Variants in CHST11 observed in about 807,000 individuals in gnomAD.
CHST11 encodes the protein C4S-1.
CHST11 carries 9 observed loss-of-function variants against 30.4 expected under a neutral mutation model. The observed-to-expected ratio is 0.30, with a 90% CI of 0.18 to 0.52. The LOEUF is 0.52. CHST11 is among the 20% of genes least tolerant of loss of function. CHST11 has a pLI of 0.97. For synonymous variants in CHST11, 152 were observed against 187.8 expected (o/e 0.81, Z 1.56); for missense variants, 348 against 460.6 (o/e 0.76, Z 2.24).
intron 2 of CHST11, among the ~76,000 whole-genome samples, chr12:104,709,551 A>C (rs1166291916): frequency 6.6e-6 from 1 of 152,312 alleles, no homozygotes; most frequent in East Asian, 1.9e-4. Flanking sequence ...GGAACATCTT[A>C]TTTAATCCTT....
chr12:104,751,615 T>G (rs933174081), intron 2 of CHST11, among the ~76,000 whole-genome samples: 1 of 152,270 alleles, frequency 6.6e-6, no homozygotes, highest in African/African-American at 2.4e-5. Context: ...CTTTTTCAGA[T>G]TTCTTTTTTC....
intron 2 of CHST11, among the ~76,000 whole-genome samples, chr12:104,605,152 C>CAAAAAAA (rs3039180): frequency 1.1e-5 from 1 of 93,514 alleles, no homozygotes. Flanking sequence ...ATCCCCTCTC[C>CAAAAAAA]AAAAAAAAAA....
chr12:104,572,296 C>T (rs376924157), intron 1 of CHST11, among the ~76,000 whole-genome samples: 2 of 151,850 alleles, frequency 1.3e-5, no homozygotes, highest in Non-Finnish European at 2.9e-5. Context: ...ATGGTACCAG[C>T]TCCTCCTTGT....
chr12:104,710,556 G>A (rs774756137), intron 2 of CHST11, among the ~76,000 whole-genome samples: 4 of 152,120 alleles, frequency 2.6e-5, no homozygotes, highest in Non-Finnish European at 5.9e-5. Flanking sequence ...CCTCCCTGGA[G>A]CAAGGCCCCC....
intron 2 of CHST11, among the ~76,000 whole-genome samples, chr12:104,710,687 G>T (rs1285191579): frequency 6.6e-6 from 1 of 152,188 alleles, no homozygotes; most frequent in Admixed American, 6.5e-5. Flanking sequence ...CCCAGACGAT[G>T]AGTAAACGTG....
intron 2 of CHST11, among the ~76,000 whole-genome samples, chr12:104,623,537 C>A (rs556072227): frequency 3.9e-5 from 6 of 152,254 alleles, no homozygotes; most frequent in Non-Finnish European, 7.4e-5. Context: ...ATGGAGAAAC[C>A]CCGTCTCTAC....
intron 2 of CHST11, among the ~76,000 whole-genome samples, chr12:104,660,794 T>G (rs1283592793): frequency 6.6e-6 from 1 of 152,206 alleles, no homozygotes; most frequent in African/African-American, 2.4e-5. Context: ...TAGCTCCACC[T>G]GCAATCTTGA....
intron 1 of CHST11, among the ~76,000 whole-genome samples, chr12:104,544,662 G>C (rs915276883): frequency 2.0e-5 from 3 of 147,042 alleles, no homozygotes; most frequent in African/African-American, 7.5e-5. Flanking sequence ...AGCTGAGATC[G>C]TGCCACTGCA....
chr12:104,704,972 C>T (rs1182704339), intron 2 of CHST11, among the ~76,000 whole-genome samples: 3 of 152,064 alleles, frequency 2.0e-5, no homozygotes, highest in South Asian at 2.1e-4. Context: ...GTTTATGTTC[C>T]GTATGCCTTA....
intron 1 of CHST11, among the ~76,000 whole-genome samples, chr12:104,487,180 G>T (rs2037688133): frequency 6.6e-6 from 1 of 152,172 alleles, no homozygotes; most frequent in East Asian, 1.9e-4. Context: ...AACATTACTA[G>T]ACTCATAATA....
At position 104,483,702 on chromosome 12, in the gene CHST11, C is replaced by G. The variant is rs1168212619; in HGVS notation, c.118+26173C>G. On this transcript the variant is annotated intron_variant, in intron 1 of 2. Coordinates refer to ENST00000303694, the MANE Select transcript of CHST11 (RefSeq NM_018413.6). ...TACCTGAGTTTGTTTTATGTCTCTTCTTCAGTATTCTGCTCCACAAGCTCC... is the reference window on the plus strand; with the variant it reads ...TACCTGAGTTTGTTTTATGTCTCTTGTTCAGTATTCTGCTCCACAAGCTCC... Among the ~76,000 whole-genome samples the G allele has an allele frequency of 3.3e-5, 5 of 152,182 alleles. 1 individual carries two copies. Among genetic ancestry groups the G allele is most frequent in the Admixed American group, 2.6e-4 (4 of 15,284 alleles).
Position 104,494,831 on chromosome 12 carries a change from T to C in CHST11, c.118+37302T>C, listed in dbSNP as rs182510138. On this transcript the variant is annotated intron_variant, in intron 1 of 2. Coordinates refer to ENST00000303694, the MANE Select transcript of CHST11 (RefSeq NM_018413.6). ...TAAAATTGTGGTTAAAAAAGCACAA[T>C]GTAAACTTTACCATTTTAATCCTTT... Among the ~76,000 whole-genome samples the C allele has an allele frequency of 5.3e-5, 8 of 152,342 alleles. No homozygotes were observed. The East Asian group carries it at 1.3e-3, about 26-fold the overall frequency.
At chr12:104,543,875 T>C (rs1324845052) in intron 1 of CHST11, among the ~76,000 whole-genome samples, 2 of 152,020 alleles carry the variant, frequency 1.3e-5, no homozygotes, top group African/African-American at 4.8e-5. Flanking sequence ...GCACCTATAG[T>C]CCCAGCTACT....
At chr12:104,592,210 G>A (rs1259285774) in intron 1 of CHST11, among the ~76,000 whole-genome samples, 1 of 151,360 alleles carries the variant, frequency 6.6e-6, no homozygotes, top group Non-Finnish European at 1.5e-5. Context: ...TCAGTGGGTG[G>A]GCAGCATACC....
Position 104,457,524 on chromosome 12 carries a change from A to G in CHST11, c.113A>G (p.His38Arg). 1 of 1,606,966 alleles carries G rather than the reference A, an allele frequency of 6.2e-7. No individual in the cohort carries two copies. Reference protein sequence around the residue: ...LVIFYFQSMLHPVMRRNPFGV... With the variant: ...LVIFYFQSMLRPVMRRNPFGV... ...ATCTTCTATTTCCAAAGTATGTTGC[A>G]CCCAGGTAGGGGGCGCGTTAGCGTG... is the stretch of plus-strand genomic sequence containing the variant. The change falls in exon 1 of 3, where the codon CAC (histidine) becomes CGC (arginine). Residue 38 changes from histidine to arginine, a missense_variant. By Grantham distance (29) the His-to-Arg change is conservative. Coordinates refer to ENST00000303694, the MANE Select transcript of CHST11 (RefSeq NM_018413.6).
chr12:104,686,104 A>C (rs1428026895), intron 2 of CHST11, among the ~76,000 whole-genome samples: 5 of 152,024 alleles, frequency 3.3e-5, no homozygotes, highest in African/African-American at 7.2e-5. Flanking sequence ...ATGGTGGTGC[A>C]TACCCGTAGT....
intron 2 of CHST11, among the ~76,000 whole-genome samples, chr12:104,618,318 G>A (rs976778840): frequency 5.3e-5 from 8 of 151,482 alleles, no homozygotes; most frequent in Non-Finnish European, 8.8e-5. Context: ...TGGCTTCCTG[G>A]GCGCAAGTGA....
Position 104,757,832 on chromosome 12 carries a change from C to G in CHST11, c.*29C>G. ...GGGTGGGGAGAGGGAGAGAATCATG[C>G]TTTTTAATTTAAGATTTTTATTTGT... On this transcript the variant is annotated 3_prime_UTR_variant, in exon 3 of 3. Transcript: ENST00000303694. The surrounding 1 kb of genome is among the most constrained non-coding windows in gnomAD (Gnocchi z 6.5). The G allele has an allele frequency of 6.4e-7, 1 of 1,559,258 alleles. No individual in the cohort carries two copies. The highest frequency in any genetic ancestry group is 8.7e-7 in the Non-Finnish European group (1 of 1,154,438).
chr12:104,619,687 G>A (rs1226218364), intron 2 of CHST11, among the ~76,000 whole-genome samples: 2 of 152,124 alleles, frequency 1.3e-5, no homozygotes, highest in Non-Finnish European at 2.9e-5. Context: ...CTTATCTGGG[G>A]GCTGCCCATT....
Sources: gnomAD v4.1 joint callset for allele counts (sites outside exome capture counted in the v4.1 genomes callset) on GRCh38, gnomAD v4.1.1 for gene constraint, Gnocchi (gnomAD v3.1) non-coding constraint, MANE v1.5 for transcripts, NCBI Gene and HGNC (gene_info 2026-07-23, HGNC 2026-07-21) for gene names.